UBE2H: variants seen among roughly 807,000 people sequenced by gnomAD.
UBE2H encodes the protein ubiquitin-conjugating enzyme E2 H.
In UBE2H, 3 loss-of-function variants were observed where a neutral mutation model predicts 29.0. The ratio of observed to expected loss-of-function variants is 0.10; its 90% confidence interval spans 0.05 to 0.27. UBE2H has a LOEUF of 0.27. UBE2H is among the 10% of genes least tolerant of loss of function. The probability of loss-of-function intolerance (pLI) is 1.00; values close to 1 mark genes in which losing one functional copy is unlikely to be tolerated. For synonymous variants in UBE2H, 69 were observed against 82.9 expected (o/e 0.83, Z 0.91); for missense variants, 68 against 228.2 (o/e 0.30, Z 4.52).
intron 1 of UBE2H, among the ~76,000 whole-genome samples, chr7:129,915,490 C>T (rs1362306814): frequency 6.6e-6 from 1 of 152,060 alleles, no homozygotes; most frequent in Non-Finnish European, 1.5e-5. Context: ...GCCGAGATTG[C>T]GCCACTGCAC....
At chr7:129,844,578 G>C (rs943955354) in intron 5 of UBE2H, among the ~76,000 whole-genome samples, 11 of 152,154 alleles carry the variant, frequency 7.2e-5, no homozygotes, top group Non-Finnish European at 2.9e-5. Context: ...TAAAGGAAGA[G>C]AGCCAGATAC....
chr7:129,831,437 T>A lies in UBE2H; in HGVS notation c.*3500A>T, dbSNP rs1224653452. On this transcript the variant is annotated 3_prime_UTR_variant, in exon 7 of 7. Transcript: ENST00000355621. The stretch of plus-strand genomic sequence containing the variant: ...CTAGCGGAGGATCTGTCTTTCATGA[T>A]TCTCAGCCATCCCAACGGGAGGCCT... 6.6e-6 allele frequency: 1 copy of A among 152,194 alleles called. No individual in the cohort carries two copies. The highest frequency in any genetic ancestry group is 1.5e-5 in the Non-Finnish European group (1 of 68,032). 9.4% of individuals were successfully genotyped at this position (152,194 alleles called of 1,614,324 possible).
intron 1 of UBE2H, among the ~76,000 whole-genome samples, chr7:129,904,458 T>TC (rs772829939): frequency 6.6e-6 from 1 of 152,180 alleles, no homozygotes; most frequent in Non-Finnish European, 1.5e-5. Flanking sequence ...TAGAGACCTT[T>TC]CCGATCACCT....
chr7:129,941,629 G>T (rs1807644004), intron 1 of UBE2H, among the ~76,000 whole-genome samples: 1 of 152,018 alleles, frequency 6.6e-6, no homozygotes, highest in Non-Finnish European at 1.5e-5. Context: ...CTGTTGTCCA[G>T]GCTGGAGTGC....
At chr7:129,853,421 AAAG>A in intron 5 of UBE2H, among the ~76,000 whole-genome samples, 1 of 152,320 alleles carries the variant, frequency 6.6e-6, no homozygotes, top group East Asian at 1.9e-4. Context: ...ATGCAAAAAA[AAAG>A]ATGCTATCAT....
intron 3 of UBE2H, among the ~76,000 whole-genome samples, chr7:129,870,822 C>G (rs572312564): frequency 1.3e-5 from 2 of 152,198 alleles, no homozygotes; most frequent in Non-Finnish European, 2.9e-5. Flanking sequence ...GCCTACAAAG[C>G]GGTCTGTGAA....
intron 3 of UBE2H, among the ~76,000 whole-genome samples, chr7:129,870,549 T>C (rs1806007762): frequency 6.6e-6 from 1 of 152,178 alleles, no homozygotes; most frequent in African/African-American, 2.4e-5. Flanking sequence ...GCAGTCCAGC[T>C]TGGATGATTT....
At chr7:129,863,614 A>C (rs531508336) in intron 3 of UBE2H, among the ~76,000 whole-genome samples, 2 of 152,322 alleles carry the variant, frequency 1.3e-5, no homozygotes, top group Admixed American at 6.5e-5. Flanking sequence ...TTTTAGGTAC[A>C]GAAATTTTCT....
intron 1 of UBE2H, among the ~76,000 whole-genome samples, chr7:129,921,419 C>T (rs775763317): frequency 1.3e-4 from 20 of 152,062 alleles, no homozygotes; most frequent in Non-Finnish European, 2.5e-4. Context: ...CTGATTTTGC[C>T]GGGCATGGTG....
intron 6 of UBE2H, among the ~76,000 whole-genome samples, chr7:129,836,857 G>C (rs1463964426): frequency 9.4e-6 from 1 of 105,912 alleles, no homozygotes; most frequent in Non-Finnish European, 1.9e-5. Context: ...TCCAGCCTAG[G>C]CGACAGGGCA....
At chr7:129,914,681 T>C (rs572582301) in intron 1 of UBE2H, among the ~76,000 whole-genome samples, 2 of 152,334 alleles carry the variant, frequency 1.3e-5, no homozygotes, top group South Asian at 4.1e-4. Flanking sequence ...TTATCTTCTC[T>C]GAGCCCACTC....
At chr7:129,920,523 T>C (rs975169095) in intron 1 of UBE2H, among the ~76,000 whole-genome samples, 2 of 152,080 alleles carry the variant, frequency 1.3e-5, no homozygotes, top group African/African-American at 2.4e-5. Flanking sequence ...ATAATATCAA[T>C]AAATCTTAAA....
At chr7:129,861,567 T>C (rs77424208) in intron 3 of UBE2H, among the ~76,000 whole-genome samples, 9 of 152,182 alleles carry the variant, frequency 5.9e-5, no homozygotes, top group African/African-American at 1.4e-4. Context: ...ATTTTAATAG[T>C]TGAGCTTAAA....
rs150573606 is a variant in UBE2H at position 129,939,937 on chromosome 7, C to T, written c.53+12566G>A. Among the ~76,000 whole-genome samples the T allele has an allele frequency of 6.8e-3, 1,013 of 149,994 alleles. 8 individuals are homozygous for T. The highest frequency in any genetic ancestry group is 0.014 in the Admixed American group (205 of 14,932). ...TGGAGCCACTGCACTCCAGACTGGG[C>T]GACAACATGAGACTCCATCTCAAAA... On this transcript the variant is annotated intron_variant, in intron 1 of 6. Transcript: ENST00000355621.
intron 1 of UBE2H, among the ~76,000 whole-genome samples, chr7:129,922,225 T>G (rs1807177798): frequency 1.3e-5 from 2 of 152,008 alleles, no homozygotes; most frequent in Admixed American, 1.3e-4. Flanking sequence ...TGACCTCAGG[T>G]GATCCACCCA....
intron 1 of UBE2H, among the ~76,000 whole-genome samples, chr7:129,897,824 T>C (rs571226466): frequency 7.9e-5 from 12 of 152,298 alleles, no homozygotes; most frequent in East Asian, 3.9e-4. Context: ...TCTAAAGAGA[T>C]ATAGAAAAAT....
intron 3 of UBE2H, among the ~76,000 whole-genome samples, chr7:129,876,010 C>T (rs139404157): frequency 6.6e-6 from 1 of 152,156 alleles, no homozygotes; most frequent in East Asian, 1.9e-4. Context: ...GTCTTCCTTA[C>T]GCTCTCTCTT....
Position 129,866,008 on chromosome 7 carries a change from A to G in UBE2H, c.206-7067T>C, listed in dbSNP as rs918168875. Among the ~76,000 whole-genome samples the G allele has an allele frequency of 3.3e-5, 5 of 152,274 alleles. 1 individual carries two copies. Among genetic ancestry groups the G allele is most frequent in the Admixed American group, 3.3e-4 (5 of 15,296 alleles). ...TGGCCAGCTATGTGCAGGAGTCCAC[A>G]ATCTGATAGATTTTCATCTAACCTC... is the stretch of plus-strand genomic sequence containing the variant. On this transcript the variant is annotated intron_variant, in intron 3 of 6. Coordinates refer to ENST00000355621, the MANE Select transcript of UBE2H (RefSeq NM_003344.4).
At chr7:129,944,388 T>C (rs1397366688) in intron 1 of UBE2H, among the ~76,000 whole-genome samples, 1 of 151,978 alleles carries the variant, frequency 6.6e-6, no homozygotes, top group East Asian at 1.9e-4. Flanking sequence ...AACACACAAG[T>C]GAAACAACCG....
Sources: allele counts gnomAD v4.1 joint callset (sites outside exome capture counted in the v4.1 genomes callset), GRCh38; gene constraint gnomAD v4.1.1; transcripts MANE v1.5; gene names NCBI Gene and HGNC (gene_info 2026-07-23, HGNC 2026-07-21).